Variants in AKT1 observed in about 807,000 individuals in gnomAD.
AKT1 encodes AKT serine/threonine kinase 1.
A neutral mutation model predicts 63.1 loss-of-function variants in AKT1; 21 were observed. The ratio of observed to expected loss-of-function variants is 0.33; its 90% CI spans 0.24 to 0.48. The LOEUF is 0.48. Ranked by LOEUF, AKT1 falls within the 20% of genes least tolerant of loss-of-function variation. The pLI is 0.99. For missense variants in AKT1, 382 were observed against 666.0 expected (o/e 0.57, Z 4.69); for synonymous variants, 257 against 253.1 (o/e 1.02, Z -0.15).
chr14:104,792,425 G>T (rs542188954), intron 3 of AKT1, among the ~76,000 whole-genome samples, 173 bp downstream of exon 3: 2 of 151,966 alleles, frequency 1.3e-5, no homozygotes, highest in Admixed American at 1.3e-4. Flanking sequence ...CCCCGAGGCC[G>T]TGCCCTCCAT....
chr14:104,795,092 A>C lies in AKT1; in HGVS notation c.-258+392T>G, dbSNP rs1453485787. The C allele has an allele frequency of 6.6e-6, 1 of 152,126 alleles. No individual in the cohort carries two copies. The highest frequency in any genetic ancestry group is 1.5e-5 in the Non-Finnish European group (1 of 68,008). The allele number at this position is 152,126 out of a possible 1,614,324, so 9.4% of individuals were successfully genotyped here. A position where few individuals can be genotyped will look rare whatever the true frequency, so the allele number is the denominator to read the frequency against. ...GGCCGGCCGCGGCGAGTCTTTCTCC[A>C]ACCCCGGGGCACCTCCGCCGGCTGC... On this transcript the variant is annotated intron_variant, in intron 1 of 14. Coordinates refer to ENST00000649815, the MANE Select transcript of AKT1 (RefSeq NM_001382430.1). This position sits in a 1 kb window ranked among gnomAD's most constrained non-coding sequence, Gnocchi z 5.1.
At position 104,775,713 on chromosome 14, in the gene AKT1, G is replaced by A. The variant is rs759031755; in HGVS notation, c.374C>T (p.Pro125Leu). Residue 125 changes from proline to leucine, a missense_variant, in exon 6 of 15, where the codon CCC (proline) becomes CTC (leucine). Pro to Leu is a moderately conservative substitution (Grantham distance 98). This residue lies in a region of AKT1 where 226 missense variants were observed against 366.4 expected (regional missense o/e 0.62). Coordinates refer to ENST00000649815, the MANE Select transcript of AKT1 (RefSeq NM_001382430.1). ...CTCTTCAGCCCCTGAGTTGTCACTG[G>A]GTGAGCCCGACCGGAAGTCCATCTC... is the stretch of plus-strand genomic sequence containing the variant. ...EEEMDFRSGS[P>L]SDNSGAEEME... The A allele has an allele frequency of 1.8e-5, 29 of 1,613,974 alleles. No individual in the cohort carries two copies. The highest frequency in any genetic ancestry group is 2.4e-5 in the Non-Finnish European group (28 of 1,179,988).
In AKT1 at chr14:104,774,968, G is replaced by C. The variant is rs2140915394; in HGVS notation, c.603C>G (p.Val201=). The change falls in exon 8 of 15, where the codon GTC becomes GTG. Residue 201 remains valine (V), a synonymous_variant. Transcript: ENST00000649815. ...GGAAGGGGTGCCTGGAGTTCTGCAG[G>C]ACGCGGTTCTCGGTGAGTGTGTGGG... ...EVAHTLTENR[V]LQNSRHPFLT... is the part of the protein sequence containing the mutation. The C allele has an allele frequency of 1.2e-6, 2 of 1,612,824 alleles. No individual in the cohort carries two copies. The highest frequency in any genetic ancestry group is 1.7e-6 in the Non-Finnish European group (2 of 1,179,816).
At chr14:104,774,004 T>G (rs765307038) in intron 8 of AKT1, 24 bp from the exon 9 acceptor site, 2 of 1,606,512 alleles carry the variant, frequency 1.2e-6, no homozygotes, top group Non-Finnish European at 1.7e-6. Context: ...GAGCTGGAAC[T>G]GCGGCCCCAC....
chr14:104,781,057 C>A (rs374569345), intron 3 of AKT1, among the ~76,000 whole-genome samples: 1 of 152,252 alleles, frequency 6.6e-6, no homozygotes, highest in African/African-American at 2.4e-5. Flanking sequence ...CAGCATCAGC[C>A]GTACGCAGGC....
At position 104,772,891 on chromosome 14, in the gene AKT1, C is replaced by T. The variant is rs1566816289; in HGVS notation, c.1159G>A (p.Asp387Asn). 6.2e-7 allele frequency: 1 copy of T among 1,610,986 alleles called. No individual in the cohort carries two copies. Among genetic ancestry groups the T allele is most frequent in the South Asian group, 1.1e-5 (1 of 91,010 alleles). Residue 387 changes from aspartate to asparagine, a missense_variant, in exon 12 of 15, where the codon GAC becomes AAC. Physicochemically the swap from Asp to Asn is conservative, Grantham distance 23. Around this residue, in one of 3 missense-constraint regions of AKT1, gnomAD observed 66 missense variants for 179.1 expected, o/e 0.37. Coordinates refer to ENST00000649815, the MANE Select transcript of AKT1 (RefSeq NM_001382430.1). ...KSLLSGLLKK[D>N]PKQRLGGGSE... ...GGCGGCCCTCACCTCTGCTTGGGGT[C>T]CTTCTTGAGCAGCCCTGAAAGCAAG...
In AKT1 at chr14:104,780,718, C is replaced by G. The variant is rs569225723; in HGVS notation, c.47-502G>C. ...GTGGGCTGCCCAGCATGGCCGCCCC[C>G]CCCGCCCCGCCGCCACCCACCAGGA... On this transcript the variant is annotated intron_variant, in intron 3 of 14. Transcript: ENST00000649815. Among the ~76,000 whole-genome samples the G allele has an allele frequency of 6.2e-3, 949 of 152,276 alleles. 5 individuals carry two copies. Among genetic ancestry groups the G allele is most frequent in the Middle Eastern group, 0.024 (7 of 294 alleles).
chr14:104,769,832 T>C lies in AKT1; in HGVS notation c.*509A>G, dbSNP rs1041321824. ...GTCCTCAGAGACACGGCCTTAGTGC[T>C]GGGGGGCTGCTGTGTGCCTGCCACC... On this transcript the variant is annotated 3_prime_UTR_variant, in exon 15 of 15. Transcript: ENST00000649815. 1 of 392,144 alleles carries C rather than the reference T, an allele frequency of 2.6e-6. No homozygotes were observed. Among genetic ancestry groups the C allele is most frequent in the Non-Finnish European group, 4.8e-6 (1 of 210,230 alleles). The allele number at this position is 392,144 out of a possible 1,614,324, so 24.3% of individuals were successfully genotyped here. A position where few individuals can be genotyped will look rare whatever the true frequency, so the allele number is the denominator to read the frequency against.
chr14:104,772,565 G>C, intron 12 of AKT1, 113 bp from the exon 13 acceptor site: 1 of 1,076,288 alleles, frequency 9.3e-7, no homozygotes, highest in Non-Finnish European at 1.4e-6. Flanking sequence ...TCCGGGGCCA[G>C]GGAGGGGAGC....
intron 5 of AKT1, chr14:104,776,086 CCCAAGCAGGACTCCGCCTCCCA>C (rs1432698163): frequency 6.2e-5 from 21 of 341,004 alleles, no homozygotes; most frequent in African/African-American, 6.1e-4. Flanking sequence ...CTCCGCCCCC[CCCAAGCAGGACTCCGCCTCCCA>C]AGCAGGACTC....
chr14:104,795,308 C>A lies in AKT1; in HGVS notation c.-258+176G>T, dbSNP rs1303806233. On this transcript the variant is annotated intron_variant, in intron 1 of 14. Coordinates refer to ENST00000649815, the MANE Select transcript of AKT1 (RefSeq NM_001382430.1). The surrounding 1 kb of genome is among the most constrained non-coding windows in gnomAD (Gnocchi z 5.1). ...CGGCGTGGGGCCGCCCTCCCTTGGCCGGGCCCGCGCGCCCCGCGCCCTCCC... is the reference window on the plus strand; with the variant it reads ...CGGCGTGGGGCCGCCCTCCCTTGGCAGGGCCCGCGCGCCCCGCGCCCTCCC... Among the ~76,000 whole-genome samples the A allele has an allele frequency of 6.7e-6, 1 of 150,196 alleles. No homozygotes were observed. Among genetic ancestry groups the A allele is most frequent in the Non-Finnish European group, 1.5e-5 (1 of 67,332 alleles).
At chr14:104,782,129 G>C (rs1334156041) in intron 3 of AKT1, among the ~76,000 whole-genome samples, 2 of 152,048 alleles carry the variant, frequency 1.3e-5, no homozygotes, top group African/African-American at 2.4e-5. Flanking sequence ...GGGCAGGCAG[G>C]GGCGCTCAGT....
chr14:104,791,470 G>T (rs951691814), intron 3 of AKT1, among the ~76,000 whole-genome samples: 1 of 152,104 alleles, frequency 6.6e-6, no homozygotes. Flanking sequence ...TCGAGGCCCC[G>T]CGTGCCATCA....
chr14:104,792,634 C>A lies in AKT1; in HGVS notation c.10G>T (p.Val4Leu), dbSNP rs754031503. ...AGCCAACCCTCCTTCACAATAGCCA[C>A]GTCGCTCATGGTGCCCGAGGCTCCC... Reference protein sequence around the residue: MSDVAIVKEGWLHK... With the variant: MSDLAIVKEGWLHK... The change falls in exon 3 of 15, where the codon GTG becomes TTG. Residue 4 changes from valine to leucine, a missense_variant. Val to Leu is a conservative substitution (Grantham distance 32). Around this residue, in one of 3 missense-constraint regions of AKT1, gnomAD observed 226 missense variants for 366.4 expected, o/e 0.62. Coordinates refer to ENST00000649815, the MANE Select transcript of AKT1 (RefSeq NM_001382430.1). 6.2e-7 allele frequency: 1 copy of A among 1,611,232 alleles called. No homozygotes were observed. Among genetic ancestry groups the A allele is most frequent in the Non-Finnish European group, 8.5e-7 (1 of 1,179,902 alleles).
intron 4 of AKT1, among the ~76,000 whole-genome samples, chr14:104,778,781 C>T (rs1175506097): frequency 2.6e-5 from 4 of 152,180 alleles, no homozygotes; most frequent in Non-Finnish European, 5.9e-5. Context: ...TCAAGGGAGT[C>T]GGAGGACCGC....
intron 13 of AKT1, chr14:104,771,597 C>A: frequency 4.3e-6 from 1 of 233,268 alleles, no homozygotes; most frequent in Non-Finnish European, 8.5e-6. Context: ...AGGACCAGGG[C>A]ACCCTGTGTT....
chr14:104,778,804 AAGG>A (rs1892869042), intron 4 of AKT1, among the ~76,000 whole-genome samples: 1 of 152,202 alleles, frequency 6.6e-6, no homozygotes, highest in African/African-American at 2.4e-5. Flanking sequence ...GCCTCAAAGA[AAGG>A]AGGGCAGAGC....
intron 3 of AKT1, among the ~76,000 whole-genome samples, chr14:104,782,132 C>T (rs1893085426): frequency 6.6e-6 from 1 of 152,118 alleles, no homozygotes; most frequent in African/African-American, 2.4e-5. Context: ...CAGGCAGGGG[C>T]GCTCAGTGAG....
At chr14:104,773,432 C>A (rs1892512433) in intron 10 of AKT1, 23 bp downstream of exon 10, 1 of 1,613,956 alleles carries the variant, frequency 6.2e-7, no homozygotes, top group South Asian at 1.1e-5. Context: ...GGGCCCTGCC[C>A]CCCTGCCTGC....
Sources: allele counts gnomAD v4.1 joint callset (sites outside exome capture counted in the v4.1 genomes callset), GRCh38; gene constraint gnomAD v4.1.1; regional missense constraint gnomAD v4.1.1; non-coding constraint Gnocchi (gnomAD v3.1); transcripts MANE v1.5; gene names NCBI Gene and HGNC (gene_info 2026-07-23, HGNC 2026-07-21).